The following KYAT3 variants were observed in gnomAD, a reference collection of about 807,000 sequenced individuals.
KYAT3 encodes kynurenine--oxoglutarate transaminase 3.
In KYAT3, 50 loss-of-function variants were observed where a neutral mutation model predicts 59.0. The ratio of observed to expected loss-of-function variants is 0.85; its 90% CI spans 0.68 to 1.07. The LOEUF is 1.07. KYAT3 is among the 50% of genes least tolerant of loss of function. KYAT3 has a pLI of 0.00. For missense variants in KYAT3, 497 were observed against 533.3 expected (o/e 0.93, Z 0.67); for synonymous variants, 148 against 177.0 (o/e 0.84, Z 1.30).
chr1:88,922,550 T>C, the KYAT3 span, among the ~76,000 whole-genome samples: 3 of 152,140 alleles, frequency 2.0e-5, no homozygotes, highest in Admixed American at 6.5e-5. Context: ...ATCCCTATTA[T>C]GAACTGTGCA....
chr1:88,951,981 C>G (rs1484076884), intron 10 of KYAT3, among the ~76,000 whole-genome samples: 1 of 152,106 alleles, frequency 6.6e-6, no homozygotes, highest in Non-Finnish European at 1.5e-5. Context: ...AGGGTTGAAG[C>G]CACAGGAAAT....
chr1:88,969,441 T>C lies in KYAT3; in HGVS notation c.126A>G (p.Ala42=), dbSNP rs1403189872. 8.2e-6 allele frequency: 13 copies of C among 1,582,780 alleles called. No individual in the cohort carries two copies. Among genetic ancestry groups the C allele is most frequent in the Non-Finnish European group, 1.0e-5 (12 of 1,153,346 alleles). ...TACTATCAAGTCCTTCAATCCGTTT[T>C]GCATTTGTGAATTTCAGTGACATTT... ...SAKMSLKFTN[A]KRIEGLDSNV... Residue 42 remains alanine, a synonymous_variant, in exon 3 of 14, where the codon GCA becomes GCG. Coordinates refer to ENST00000260508, the MANE Select transcript of KYAT3 (RefSeq NM_001008661.3).
intron 2 of KYAT3, among the ~76,000 whole-genome samples, chr1:88,974,461 GTC>G (rs1308126740): frequency 2.9e-5 from 4 of 138,300 alleles, no homozygotes; most frequent in Non-Finnish European, 4.6e-5. Context: ...GCATTTTGGT[GTC>G]TCTCTCTTTT....
rs1318763720 is a variant in KYAT3, at chr1:88,953,128, G to A, written c.889C>T (p.His297Tyr). 1 of 1,613,124 alleles carries A rather than the reference G, an allele frequency of 6.2e-7. No individual in the cohort carries two copies. Among genetic ancestry groups the A allele is most frequent in the Non-Finnish European group, 8.5e-7 (1 of 1,179,166 alleles). Reference sequence around the variant, plus strand: ...ACTGTCTGTAAATGTTTTATCAAATGATTTGGACCAATGGACCAGCCAAGC... The same window carrying A: ...ACTGTCTGTAAATGTTTTATCAAATAATTTGGACCAATGGACCAGCCAAGC... ...WKLGWSIGPNHLIKHLQTVQQ... is the reference protein window; with the variant it reads ...WKLGWSIGPNYLIKHLQTVQQ... The change falls in exon 10 of 14, where the codon CAT becomes TAT. Residue 297 changes from histidine (H) to tyrosine (Y), a missense_variant. His to Tyr is a moderately conservative substitution (Grantham distance 83, BLOSUM62 2). This residue lies in a region of KYAT3 where 469 missense variants were observed against 479.1 expected (regional missense o/e 0.98). Coordinates refer to ENST00000260508, the MANE Select transcript of KYAT3 (RefSeq NM_001008661.3).
chr1:88,922,242 A>G, the KYAT3 span, among the ~76,000 whole-genome samples: 1 of 152,196 alleles, frequency 6.6e-6, no homozygotes, highest in East Asian at 1.9e-4. Context: ...AGCATGCTTG[A>G]ACACCAGGAA....
chr1:88,922,084 T>C, the KYAT3 span, among the ~76,000 whole-genome samples: 10 of 152,166 alleles, frequency 6.6e-5, no homozygotes, highest in Admixed American at 5.9e-4. Flanking sequence ...TGGTGGCTCA[T>C]GCCTATAATC....
At chr1:88,947,635 C>A (rs10436921) in intron 11 of KYAT3, among the ~76,000 whole-genome samples, 5,812 of 152,266 alleles carry the variant, frequency 0.038, 322 homozygotes, top group African/African-American at 0.12. Context: ...TCCAGGACCT[C>A]CCCTGGAGCC....
chr1:88,961,545 A>C (rs1557692088), intron 6 of KYAT3, 39 bp from the exon 7 acceptor site: 2 of 1,562,540 alleles, frequency 1.3e-6, no homozygotes, highest in Non-Finnish European at 1.7e-6. Context: ...AATTCAATTA[A>C]GTCATGTTTA....
At chr1:88,972,941 T>C (rs1191338089) in intron 2 of KYAT3, among the ~76,000 whole-genome samples, 3 of 152,240 alleles carry the variant, frequency 2.0e-5, no homozygotes, top group Admixed American at 6.5e-5. Context: ...GTTTCATATG[T>C]TGAAGTCCTA....
chr1:88,951,643 T>C (rs1164193435), intron 10 of KYAT3, among the ~76,000 whole-genome samples: 1 of 151,028 alleles, frequency 6.6e-6, no homozygotes, highest in Non-Finnish European at 1.5e-5. Context: ...ATATTAAAAA[T>C]ATTAAATATT....
At chr1:88,966,502 A>G (rs1166560237) in intron 4 of KYAT3, among the ~76,000 whole-genome samples, 1 of 152,174 alleles carries the variant, frequency 6.6e-6, no homozygotes, top group East Asian at 1.9e-4. Flanking sequence ...ATAGTATTTA[A>G]AAAATTTTAC....
intron 8 of KYAT3, 124 bp from the exon 9 acceptor site, chr1:88,955,349 A>G: frequency 1.7e-6 from 1 of 589,370 alleles, no homozygotes; most frequent in Admixed American, 3.3e-5. Context: ...TAGCCAGTAT[A>G]GTTATTTCTA....
the KYAT3 span, among the ~76,000 whole-genome samples, chr1:88,929,107 G>A: frequency 6.6e-6 from 1 of 151,894 alleles, no homozygotes; most frequent in African/African-American, 2.4e-5. Context: ...TAAACTAAAG[G>A]AGCCCGCCTC....
chr1:88,982,889 T>C lies in KYAT3; in HGVS notation c.99+5363A>G, dbSNP rs754081795. 4.3e-6 allele frequency: 7 copies of C among 1,613,992 alleles called. No individual in the cohort carries two copies. The South Asian group carries it at 4.4e-5, about 10-fold the overall frequency. On this transcript the variant is annotated intron_variant, in intron 2 of 13. Transcript: ENST00000260508. Reference sequence around the variant, plus strand: ...ACCATATCCATCACGTGAGCTGCTATAATCATCATAGCGACTGCTTCCACC... The same window carrying C: ...ACCATATCCATCACGTGAGCTGCTACAATCATCATAGCGACTGCTTCCACC...
chr1:88,983,840 G>A (rs371300917), intron 2 of KYAT3: 20 of 1,413,634 alleles, frequency 1.4e-5, no homozygotes, highest in Admixed American at 1.3e-4. Context: ...TTTTTTTGCC[G>A]GTGAGTCGGA....
rs747616738 is a variant in KYAT3 at position 88,982,709 on chromosome 1, C to T, written c.99+5543G>A. On this transcript the variant is annotated intron_variant, in intron 2 of 13. Coordinates refer to ENST00000260508, the MANE Select transcript of KYAT3 (RefSeq NM_001008661.3). ...AGATCGGCTTCCTCCAGGGCCAGCA[C>T]CTCTTGGTGCTCCGCGGCTTGAACT... The T allele has an allele frequency of 5.6e-6, 9 of 1,613,910 alleles. No homozygotes were observed. The East Asian group carries it at 2.0e-4, about 36-fold the overall frequency.
At chr1:88,965,446 C>T (rs768692754) in intron 4 of KYAT3, among the ~76,000 whole-genome samples, 6 of 152,056 alleles carry the variant, frequency 3.9e-5, no homozygotes, top group East Asian at 1.9e-4. Flanking sequence ...AATTCACCAA[C>T]GACACGAACA....
intron 2 of KYAT3, among the ~76,000 whole-genome samples, chr1:88,978,044 C>T (rs1447170426): frequency 6.6e-6 from 1 of 151,762 alleles, no homozygotes. Flanking sequence ...AAGCATAACT[C>T]TATTGTATAT....
chr1:88,926,679 G>C, the KYAT3 span, among the ~76,000 whole-genome samples: 2 of 152,186 alleles, frequency 1.3e-5, no homozygotes, highest in Non-Finnish European at 2.9e-5. Flanking sequence ...TTCAGTAATT[G>C]ATAGGGAGAC....
Sources: gnomAD v4.1 joint callset for allele counts (sites outside exome capture counted in the v4.1 genomes callset) on GRCh38, gnomAD v4.1.1 for gene constraint, gnomAD v4.1.1 regional missense constraint, MANE v1.5 for transcripts, NCBI Gene and HGNC (gene_info 2026-07-23, HGNC 2026-07-21) for gene names.